The following PTGER3 variants were observed in gnomAD, a reference collection of about 807,000 sequenced individuals.
The protein encoded by PTGER3 is prostaglandin E receptor 3, also known as prostaglandin E2 receptor EP3 subtype.
PTGER3 carries 22 observed loss-of-function variants against 34.7 expected under a neutral mutation model. The observed-to-expected ratio is 0.63, with a 90% CI of 0.45 to 0.91. The LOEUF (loss-of-function observed/expected upper bound fraction) is 0.91, where lower values mean the gene tolerates loss of function less well. Ranked by LOEUF, PTGER3 falls within the 40% of genes least tolerant of loss-of-function variation. The pLI is 0.00. For missense variants in PTGER3, 468 were observed against 519.4 expected, an observed-to-expected ratio of 0.90 and a Z score of 0.96; for synonymous variants, 241 against 230.1, an observed-to-expected ratio of 1.05 and a Z score of -0.43.
chr1:71,046,399 C>T (rs1398405854), intron 1 of PTGER3, among the ~76,000 whole-genome samples: 1 of 151,776 alleles, frequency 6.6e-6, no homozygotes, highest in Non-Finnish European at 1.5e-5. Context: ...ATTTCAATGA[C>T]ACATCCTGTC....
At position 70,989,033 on chromosome 1, in the gene PTGER3, C is replaced by A. The variant is rs138266916; in HGVS notation, c.1078-14645G>T. 5.4e-3 allele frequency among the ~76,000 whole-genome samples: 803 copies of A among 147,684 alleles called. 12 individuals are homozygous for A. The highest frequency in any genetic ancestry group is 0.02 in the African/African-American group (759 of 38,550). On this transcript the variant is annotated intron_variant, in intron 2 of 3. Coordinates refer to ENST00000306666, the MANE Select transcript of PTGER3 (RefSeq NM_198719.2). ...AATTTCAAATTGTTTGCATGTAATTCCCCCCCCAAAACTTGTACAATATTT... is the reference window on the plus strand; with the variant it reads ...AATTTCAAATTGTTTGCATGTAATTACCCCCCCAAAACTTGTACAATATTT...
rs1013836402 is a variant in PTGER3 at position 70,956,731 on chromosome 1, T to A, written c.1078-2942A>T. ...CTTTTATAAATAAATATAGGCTGTG[T>A]GGTGGCTCACAGCTGTAATCCTGAC... On this transcript the variant is annotated intron_variant, in intron 2 of 3. Coordinates refer to the PTGER3 transcript ENST00000356595. Among the ~76,000 whole-genome samples the A allele has an allele frequency of 2.0e-5, 3 of 152,192 alleles. No homozygotes were observed. In the East Asian group the frequency reaches 5.8e-4, roughly 30 times the overall value.
chr1:70,996,638 TTTTTATTTA>T (rs1422414490), intron 2 of PTGER3, among the ~76,000 whole-genome samples: 41 of 86,930 alleles, frequency 4.7e-4, no homozygotes, highest in South Asian at 4.1e-3. Flanking sequence ...TTTTTTTGTA[TTTTTATTTA>T]TTTATTTATT....
At chr1:70,899,669 A>G (rs955068648) in intron 4 of PTGER3, among the ~76,000 whole-genome samples, 9 of 151,954 alleles carry the variant, frequency 5.9e-5, no homozygotes, top group Non-Finnish European at 1.0e-4. Context: ...AACAAACTAT[A>G]TTTGGGTTTT....
intron 1 of PTGER3, among the ~76,000 whole-genome samples, chr1:71,036,825 C>T (rs564214063): frequency 1.4e-5 from 2 of 144,946 alleles, no homozygotes; most frequent in Non-Finnish European, 3.0e-5. Flanking sequence ...GGTGACAGAA[C>T]GAGACTTTGT....
Position 71,012,324 on chromosome 1 carries a change from A to AG in PTGER3, c.1057dup (p.Leu353ProfsTer70), listed in dbSNP as rs1249027793. Reference sequence around the variant, plus strand: ...TGCTACCTGGCAAAACTTTCGAAGAAGGATCTTTCTTAACAGCAGGTAAAC... The same window carrying AG: ...TGCTACCTGGCAAAACTTTCGAAGAAGGGATCTTTCTTAACAGCAGGTAAAC... On this transcript the variant is annotated frameshift_variant, in exon 2 of 4. Transcript: ENST00000306666. LOFTEE classifies it high-confidence loss of function. The AG allele has an allele frequency of 6.2e-7, 1 of 1,614,200 alleles. No homozygotes were observed. The highest frequency in any genetic ancestry group is 1.7e-5 in the Admixed American group (1 of 60,012).
At chr1:70,887,893 G>A (rs1646531663) in intron 4 of PTGER3, among the ~76,000 whole-genome samples, 1 of 152,084 alleles carries the variant, frequency 6.6e-6, no homozygotes, top group Admixed American at 6.5e-5. Context: ...ATTATGTTTG[G>A]ATATAAGATT....
intron 1 of PTGER3, among the ~76,000 whole-genome samples, chr1:71,019,311 T>G (rs1284608248): frequency 6.6e-6 from 1 of 152,172 alleles, no homozygotes; most frequent in Non-Finnish European, 1.5e-5. Flanking sequence ...CTATTTCTCC[T>G]TTCAAACAGC....
intron 2 of PTGER3, among the ~76,000 whole-genome samples, chr1:71,001,567 T>C (rs1253529839): frequency 3.3e-5 from 5 of 150,864 alleles, no homozygotes; most frequent in Admixed American, 2.0e-4. Flanking sequence ...TTTTGTCTCC[T>C]AGAGTTTTCC....
chr1:71,017,151 A>C (rs925343543), intron 1 of PTGER3, among the ~76,000 whole-genome samples: 4 of 152,092 alleles, frequency 2.6e-5, no homozygotes, highest in African/African-American at 4.8e-5. Context: ...GTGAGGAGAT[A>C]ATCCTAGATT....
chr1:70,941,960 A>C (rs1649799913), intron 4 of PTGER3, among the ~76,000 whole-genome samples: 1 of 152,130 alleles, frequency 6.6e-6, no homozygotes, highest in Admixed American at 6.6e-5. Flanking sequence ...CAAACTCCTT[A>C]CTATGACTTA....
chr1:70,937,687 G>A lies in PTGER3; in HGVS notation c.*23+16076C>T, dbSNP rs141576107. Among the ~76,000 whole-genome samples the A allele has an allele frequency of 6.6e-4, 101 of 152,230 alleles. 1 individual carries two copies. Among genetic ancestry groups the A allele is most frequent in the African/African-American group, 2.3e-3 (95 of 41,532 alleles). ...CACATAGAAAATCTATTTACATAGT[G>A]CTGTGACTCTCTATATCCCTTTTAA... On this transcript the variant is annotated intron_variant, in intron 4 of 4. Coordinates refer to the PTGER3 transcript ENST00000370931.
At chr1:70,953,659 A>G in intron 3 of PTGER3, 2 of 1,493,184 alleles carry the variant, frequency 1.3e-6, no homozygotes, top group Non-Finnish European at 1.8e-6. Flanking sequence ...GAAGGAAAAC[A>G]CGAACTTTCA....
intron 2 of PTGER3, chr1:70,953,900 G>T: frequency 3.8e-6 from 2 of 525,922 alleles, no homozygotes; most frequent in South Asian, 2.7e-5. Context: ...TCTGTGAGGG[G>T]TAATGGTAAA....
chr1:71,039,643 CTG>C (rs1306177536), intron 1 of PTGER3, among the ~76,000 whole-genome samples: 1 of 106,162 alleles, frequency 9.4e-6, no homozygotes, highest in Non-Finnish European at 1.7e-5. Flanking sequence ...GAGCGAGACT[CTG>C]TCTCAAAAAA....
intron 2 of PTGER3, among the ~76,000 whole-genome samples, chr1:70,993,517 C>A (rs1472209813): frequency 6.6e-6 from 1 of 152,136 alleles, no homozygotes; most frequent in Non-Finnish European, 1.5e-5. Flanking sequence ...GTTAGGCTCT[C>A]CTTTTGCAGC....
intron 2 of PTGER3, among the ~76,000 whole-genome samples, chr1:70,959,352 ATTT>A (rs11299533): frequency 8.1e-5 from 11 of 135,468 alleles, no homozygotes; most frequent in Admixed American, 3.0e-4. Flanking sequence ...GTCCTCTTCA[ATTT>A]TTTTTTTTTT....
chr1:70,868,191 G>C (rs10889894), intron 4 of PTGER3, among the ~76,000 whole-genome samples: 3,301 of 151,904 alleles, frequency 0.022, 116 homozygotes, highest in African/African-American at 0.076. Context: ...AGTTCATCTA[G>C]TATACTCCTA....
intron 4 of PTGER3, among the ~76,000 whole-genome samples, chr1:70,873,149 C>T (rs973112092): frequency 6.6e-6 from 1 of 152,078 alleles, no homozygotes; most frequent in Non-Finnish European, 1.5e-5. Flanking sequence ...CTGTAAAAAT[C>T]CTAGAGGCAG....
Sources: gnomAD v4.1 joint callset for allele counts (sites outside exome capture counted in the v4.1 genomes callset) on GRCh38, gnomAD v4.1.1 for gene constraint, MANE v1.5 for transcripts, NCBI Gene and HGNC (gene_info 2026-07-23, HGNC 2026-07-21) for gene names.